Variants in ADGRE5 observed in about 807,000 individuals in gnomAD.
The protein encoded by ADGRE5 is CD97 molecule.
A neutral mutation model predicts 100.3 loss-of-function variants in ADGRE5; 72 were observed. The ratio of observed to expected loss-of-function variants is 0.72; its 90% CI spans 0.59 to 0.87. ADGRE5 has a LOEUF of 0.87. Ranked by LOEUF, ADGRE5 falls within the 40% of genes least tolerant of loss-of-function variation. ADGRE5 has a pLI of 0.00. For synonymous variants in ADGRE5, 439 were observed against 447.8 expected (o/e 0.98, Z 0.25); for missense variants, 959 against 1,094.7 (o/e 0.88, Z 1.75).
rs79254060 is a variant in ADGRE5 at position 14,395,967 on chromosome 19, C to T, written c.347-375C>T. The stretch of plus-strand genomic sequence containing the variant: ...AGCGGCCGTTCTGTGGGAGTCAGGC[C>T]GAGGGCCACCGTTGGGAACCAAGAC... On this transcript the variant is annotated intron_variant, in intron 4 of 19. Transcript: ENST00000242786. Among the ~76,000 whole-genome samples the T allele has an allele frequency of 4.5e-3, 678 of 152,302 alleles. 5 individuals are homozygous for T. Among genetic ancestry groups the T allele is most frequent in the African/African-American group, 0.016 (645 of 41,566 alleles).
chr19:14,397,304 G>C, intron 6 of ADGRE5, 81 bp downstream of exon 6: 8 of 1,600,120 alleles, frequency 5.0e-6, no homozygotes, highest in Non-Finnish European at 6.8e-6. Context: ...AAACCAAGCA[G>C]AATGAGCGCT....
chr19:14,382,422 C>G (rs1442148679), intron 1 of ADGRE5, among the ~76,000 whole-genome samples: 1 of 152,174 alleles, frequency 6.6e-6, no homozygotes, highest in African/African-American at 2.4e-5. Flanking sequence ...TCTGTGTCAC[C>G]AGGGCCAAGT....
At chr19:14,405,714 T>C (rs772782622) in intron 13 of ADGRE5, 34 bp from the exon 14 acceptor site, 15 of 1,567,866 alleles carry the variant, frequency 9.6e-6, no homozygotes, top group Admixed American at 8.8e-5. Flanking sequence ...CCTCATGCCC[T>C]GAAGGAACCC....
Position 14,408,262 on chromosome 19 carries a change from C to T in ADGRE5, c.*141C>T, listed in dbSNP as rs987458996. 4.2e-6 allele frequency: 4 copies of T among 962,158 alleles called. No individual in the cohort carries two copies. Among genetic ancestry groups the T allele is most frequent in the Middle Eastern group, 3.1e-4 (1 of 3,236 alleles). 59.6% of individuals were successfully genotyped at this position (962,158 alleles called of 1,614,324 possible). On this transcript the variant is annotated 3_prime_UTR_variant, in exon 20 of 20. Transcript: ENST00000242786. ...CCCGTGTGCCACCAGGAGGGAGTGG[C>T]AGCTATAGTCTGGCACCAAAGTCCA... is the stretch of plus-strand genomic sequence containing the variant.
chr19:14,394,398 C>G (rs866027807), intron 4 of ADGRE5, among the ~76,000 whole-genome samples: 1 of 152,014 alleles, frequency 6.6e-6, no homozygotes, highest in African/African-American at 2.4e-5. Flanking sequence ...GGCCAGAGAC[C>G]TCGGGCGGCT....
rs377486765 is a variant in ADGRE5 at position 14,402,698 on chromosome 19, A to G, written c.1285A>G (p.Ile429Val). 5 of 1,613,956 alleles carry G rather than the reference A, an allele frequency of 3.1e-6. No individual in the cohort carries two copies. The highest frequency in any genetic ancestry group is 1.7e-5 in the Admixed American group (1 of 59,978). Reference sequence around the variant, plus strand: ...CAAGAAGCAAGCCGAACTGGAGGAGATATATGAAAGCAGCATCCGTGGTGT... The same window carrying G: ...CAAGAAGCAAGCCGAACTGGAGGAGGTATATGAAAGCAGCATCCGTGGTGT... ...HSKKQAELEE[I>V]YESSIRGVQL... is the part of the protein sequence containing the mutation. The change falls in exon 12 of 20, where the codon ATA (isoleucine) becomes GTA (valine). Residue 429 changes from isoleucine (I) to valine (V), a missense_variant. Around this residue, in one of 6 missense-constraint regions of ADGRE5, gnomAD observed 246 missense variants for 242.2 expected, o/e 1.02. Transcript: ENST00000242786.
intron 6 of ADGRE5, 167 bp from the exon 7 acceptor site, chr19:14,397,491 G>T (rs1416366634): frequency 4.6e-6 from 3 of 653,562 alleles, no homozygotes; most frequent in Non-Finnish European, 8.0e-6. Flanking sequence ...CTGCTCATCT[G>T]CACGGGGCCC....
In ADGRE5 at chr19:14,406,448, G is replaced by T. The variant is rs951189579; in HGVS notation, c.1939G>T (p.Gly647Cys). The T allele has an allele frequency of 1.3e-6, 2 of 1,581,808 alleles. No homozygotes were observed. ...CTTTCTTGTGGTGCGCGTGTTCCAA[G>T]GCCAGGGCCTGAGTACGCGCTGGCT... ...LYFLVVRVFQ[G>C]QGLSTRWLCL... The change falls in exon 15 of 20, where the codon GGC becomes TGC. Residue 647 changes from glycine (G) to cysteine (C), a missense_variant. Physicochemically the swap from Gly to Cys is radical, Grantham distance 159. Coordinates refer to ENST00000242786, the MANE Select transcript of ADGRE5 (RefSeq NM_078481.4). The surrounding 1 kb of genome is among the most constrained non-coding windows in gnomAD (Gnocchi z 6.0).
chr19:14,388,897 G>A, intron 3 of ADGRE5, 79 bp downstream of exon 3: 1 of 1,316,950 alleles, frequency 7.6e-7, no homozygotes, highest in Non-Finnish European at 1.1e-6. Flanking sequence ...AGAGGTTGTT[G>A]TGAGGGGCCA....
chr19:14,407,946 TG>T lies in ADGRE5; in HGVS notation c.2421del (p.Ser808AlafsTer107), dbSNP rs1442852437. ...EYRKWACLVA[G>X]GSKYSEFTST... ...ACCGGAAGTGGGCCTGCCTAGTTGC[TG>T]GGGGGAGCAAGTACTCAGAATTCAC... On this transcript the variant is annotated frameshift_variant, in exon 19 of 20. Transcript: ENST00000242786. LOFTEE classifies it high-confidence loss of function. The T allele has an allele frequency of 2.5e-6, 4 of 1,614,028 alleles. No homozygotes were observed. Among genetic ancestry groups the T allele is most frequent in the Non-Finnish European group, 2.5e-6 (3 of 1,180,004 alleles).
In ADGRE5 at chr19:14,401,360, C is replaced by A. The variant is rs750281500; in HGVS notation, c.898-26C>A. 2 of 1,607,808 alleles carry A rather than the reference C, an allele frequency of 1.2e-6. No homozygotes were observed. The highest frequency in any genetic ancestry group is 1.1e-5 in the South Asian group (1 of 90,288). ...CAACCCCTGTGGTCTGATGCTCCAG[C>A]GATTCTGTCACCCGCCACCCCCTAG... On this transcript the variant is annotated intron_variant, in intron 9 of 19. Transcript: ENST00000242786. This position sits in a 1 kb window ranked among gnomAD's most constrained non-coding sequence, Gnocchi z 4.1.
At chr19:14,396,295 G>C (rs1273573031) in intron 4 of ADGRE5, 47 bp from the exon 5 acceptor site, 5 of 1,613,916 alleles carry the variant, frequency 3.1e-6, no homozygotes, top group Non-Finnish European at 3.4e-6. Flanking sequence ...AGCCCTGAAA[G>C]CTGCTCACAG....
Position 14,401,601 on chromosome 19 carries a change from G to A in ADGRE5, c.1075+38G>A, listed in dbSNP as rs1599629348. 1 of 1,607,246 alleles carries A rather than the reference G, an allele frequency of 6.2e-7. No homozygotes were observed. The highest frequency in any genetic ancestry group is 1.3e-5 in the African/African-American group (1 of 74,808). ...CCTGGCCTGCCCTGCCCCAACCCTGGGCCCCACCTGGTACCTGGGGTCCCT... is the reference window on the plus strand; with the variant it reads ...CCTGGCCTGCCCTGCCCCAACCCTGAGCCCCACCTGGTACCTGGGGTCCCT... On this transcript the variant is annotated intron_variant, in intron 10 of 19. Transcript: ENST00000242786. This position sits in a 1 kb window ranked among gnomAD's most constrained non-coding sequence, Gnocchi z 4.1.
rs369581042 is a variant in ADGRE5 at position 14,404,433 on chromosome 19, T to C, written c.1500T>C (p.Ser500=). ...RQELLCAFWK[S]DSDRGGHWAT... is the part of the protein sequence containing the mutation. ...AGCTGCTCTGTGCCTTCTGGAAGAG[T>C]GACAGCGACAGGGGAGGGCACTGGG... The change falls in exon 13 of 20, where the codon AGT becomes AGC. Residue 500 remains serine, a synonymous_variant. Transcript: ENST00000242786. 2.5e-6 allele frequency: 4 copies of C among 1,611,002 alleles called. No homozygotes were observed. In the African/African-American group the frequency reaches 5.4e-5, roughly 22 times the overall value.
chr19:14,389,454 C>T (rs1161899926), intron 3 of ADGRE5, among the ~76,000 whole-genome samples: 1 of 148,212 alleles, frequency 6.7e-6, no homozygotes, highest in Non-Finnish European at 1.5e-5. Context: ...AGAGATAGGC[C>T]CGGCATGGTG....
intron 3 of ADGRE5, among the ~76,000 whole-genome samples, chr19:14,389,176 G>GGGGAGAGGAAGGGGAAGA (rs145020267): frequency 9.8e-6 from 1 of 101,742 alleles, no homozygotes; most frequent in Non-Finnish European, 2.0e-5. Context: ...AGAGGGAGAG[G>GGGGAGAGGAAGGGGAAGA]GGGAGAGGAA....
Position 14,406,277 on chromosome 19 carries a change from C to T in ADGRE5, c.1822-54C>T. On this transcript the variant is annotated intron_variant, in intron 14 of 19. Coordinates refer to ENST00000242786, the MANE Select transcript of ADGRE5 (RefSeq NM_078481.4). The surrounding 1 kb of genome is among the most constrained non-coding windows in gnomAD (Gnocchi z 6.0). ...CCTGGCAGGCGACTGGCTCTGGCGC[C>T]GCATGCCCCTCCCCGCGCTGACGTC... is the stretch of plus-strand genomic sequence containing the variant. 7.3e-7 allele frequency: 1 copy of T among 1,374,206 alleles called. No homozygotes were observed. The highest frequency in any genetic ancestry group is 9.9e-7 in the Non-Finnish European group (1 of 1,011,778). 85.1% of individuals were successfully genotyped at this position (1,374,206 alleles called of 1,614,324 possible).
At chr19:14,392,995 A>G (rs1975652833) in intron 4 of ADGRE5, among the ~76,000 whole-genome samples, 1 of 151,730 alleles carries the variant, frequency 6.6e-6, no homozygotes, top group Non-Finnish European at 1.5e-5. Flanking sequence ...AGGTCAGGAG[A>G]TCAAGACCAT....
At chr19:14,388,552 G>A in intron 2 of ADGRE5, 52 bp downstream of exon 2, 1 of 1,571,020 alleles carries the variant, frequency 6.4e-7, no homozygotes, top group Non-Finnish European at 8.6e-7. Flanking sequence ...GCCTGGGGAG[G>A]GTCCTGGACC....
Sources: allele counts gnomAD v4.1 joint callset (sites outside exome capture counted in the v4.1 genomes callset), GRCh38; gene constraint gnomAD v4.1.1; regional missense constraint gnomAD v4.1.1; non-coding constraint Gnocchi (gnomAD v3.1); transcripts MANE v1.5; gene names NCBI Gene and HGNC (gene_info 2026-07-23, HGNC 2026-07-21).